The following ZHX2 variants were observed in gnomAD, a reference collection of about 807,000 sequenced individuals.
ZHX2 encodes zinc fingers and homeoboxes protein 2.
Under a neutral mutation model 21.9 loss-of-function variants are expected in ZHX2, and 6 were observed. That is an observed-to-expected ratio of 0.27 (90% CI 0.15 to 0.54). ZHX2 has a LOEUF of 0.54. Ranked by LOEUF, ZHX2 falls within the 20% of genes least tolerant of loss-of-function variation. The pLI, the probability that ZHX2 is intolerant of heterozygous loss-of-function variation, is 0.95. For missense variants in ZHX2, 908 were observed against 1,090.7 expected, an observed-to-expected ratio of 0.83 and a Z score of 2.36; for synonymous variants, 434 against 437.1, an observed-to-expected ratio of 0.99 and a Z score of 0.09.
intron 1 of ZHX2, among the ~76,000 whole-genome samples, chr8:122,791,999 C>T (rs748805793): frequency 6.6e-6 from 1 of 152,192 alleles, no homozygotes. Flanking sequence ...GTGTCACCCA[C>T]TTTAAGTGTA....
Position 122,937,932 on chromosome 8 carries a change from G to GGTTTT in ZHX2, c.-219-13359_-219-13355dup, listed in dbSNP as rs1491073387. Among the ~76,000 whole-genome samples the GGTTTT allele has an allele frequency of 4.1e-4, 26 of 63,216 alleles. No homozygotes were observed. In the South Asian group the frequency reaches 8.2e-3, roughly 20 times the overall value. 41.5% of individuals were successfully genotyped at this position (63,216 alleles called of 152,430 possible). ...TATTATGTTTCCTGGTTTTCTTTTT[G>GGTTTT]GTTTTTTTTTTTTTTTTTTTTTGAG... On this transcript the variant is annotated intron_variant, in intron 2 of 3. Transcript: ENST00000314393.
intron 1 of ZHX2, among the ~76,000 whole-genome samples, chr8:122,851,729 G>A (rs1368539515): frequency 2.0e-5 from 3 of 152,210 alleles, no homozygotes; most frequent in African/African-American, 7.2e-5. Context: ...GGTCAGTACT[G>A]TAATATCCTT....
chr8:122,800,906 G>A (rs1817707056), intron 1 of ZHX2, among the ~76,000 whole-genome samples: 1 of 152,222 alleles, frequency 6.6e-6, no homozygotes, highest in South Asian at 2.1e-4. Context: ...GTAGACAGGT[G>A]CGCGTGCACA....
intron 1 of ZHX2, among the ~76,000 whole-genome samples, chr8:122,856,291 A>G (rs1302553358): frequency 2.0e-5 from 3 of 152,198 alleles, no homozygotes; most frequent in Admixed American, 1.3e-4. Context: ...TGGAGTTTCC[A>G]TACCAAGGAG....
intron 2 of ZHX2, among the ~76,000 whole-genome samples, chr8:122,883,099 C>T (rs1379482249): frequency 6.6e-6 from 1 of 152,176 alleles, no homozygotes; most frequent in African/African-American, 2.4e-5. Context: ...TCCAAACCCC[C>T]CAAGATCTCG....
At chr8:122,945,448 A>AT (rs1484272845) in intron 2 of ZHX2, among the ~76,000 whole-genome samples, 13 of 150,004 alleles carry the variant, frequency 8.7e-5, no homozygotes, top group Non-Finnish European at 1.9e-4. Flanking sequence ...AAAAAAAAAA[A>AT]AAAAAAAAAA....
chr8:122,965,298 T>TC, intron 3 of ZHX2, among the ~76,000 whole-genome samples: 1 of 152,268 alleles, frequency 6.6e-6, no homozygotes, highest in Non-Finnish European at 1.5e-5. Flanking sequence ...CTATGAACTT[T>TC]CCTCTTGGCA....
At chr8:122,886,260 A>G (rs1408176378) in intron 2 of ZHX2, among the ~76,000 whole-genome samples, 1 of 152,252 alleles carries the variant, frequency 6.6e-6, no homozygotes, top group Non-Finnish European at 1.5e-5. Context: ...TTCTAACTAT[A>G]TAACATTCTG....
chr8:122,966,352 T>C (rs1384812567), intron 3 of ZHX2, among the ~76,000 whole-genome samples: 1 of 152,232 alleles, frequency 6.6e-6, no homozygotes, highest in Non-Finnish European at 1.5e-5. Context: ...GCTTTGGTAG[T>C]GGTGAATTCT....
At chr8:122,787,533 C>T (rs1817421223) in intron 1 of ZHX2, among the ~76,000 whole-genome samples, 1 of 152,200 alleles carries the variant, frequency 6.6e-6, no homozygotes, top group Non-Finnish European at 1.5e-5. Flanking sequence ...GCGGGAAGCC[C>T]ACGCTGAGTT....
At chr8:122,868,105 A>T (rs2129665843) in intron 2 of ZHX2, among the ~76,000 whole-genome samples, 1 of 152,276 alleles carries the variant, frequency 6.6e-6, no homozygotes, top group Non-Finnish European at 1.5e-5. Context: ...TTTCTCTAGT[A>T]CAGACTGAGT....
At chr8:122,915,123 CA>C (rs910629054) in intron 2 of ZHX2, among the ~76,000 whole-genome samples, 1 of 152,116 alleles carries the variant, frequency 6.6e-6, no homozygotes, top group Non-Finnish European at 1.5e-5. Context: ...GAGATCATCC[CA>C]TCCAATCCCT....
At chr8:122,803,889 G>T (rs1268970568) in intron 1 of ZHX2, among the ~76,000 whole-genome samples, 1 of 152,144 alleles carries the variant, frequency 6.6e-6, no homozygotes, top group Non-Finnish European at 1.5e-5. Context: ...AGCCTGCTGG[G>T]CGGCCTGTTT....
intron 2 of ZHX2, among the ~76,000 whole-genome samples, chr8:122,904,508 G>A (rs1006504793): frequency 6.6e-6 from 1 of 152,070 alleles, no homozygotes; most frequent in African/African-American, 2.4e-5. Context: ...GGGAGCCGTA[G>A]CAAGACACTC....
chr8:122,826,564 G>C (rs1445546663), intron 1 of ZHX2, among the ~76,000 whole-genome samples: 1 of 152,158 alleles, frequency 6.6e-6, no homozygotes. Context: ...TGAGGTTGCT[G>C]AAGCGCCGGG....
At chr8:122,857,706 C>G (rs1481080141) in intron 1 of ZHX2, among the ~76,000 whole-genome samples, 1 of 152,208 alleles carries the variant, frequency 6.6e-6, no homozygotes, top group Non-Finnish European at 1.5e-5. Context: ...ATGATTCAGT[C>G]AGGCCTGAGT....
At chr8:122,831,132 C>T (rs1818365608) in intron 1 of ZHX2, among the ~76,000 whole-genome samples, 1 of 152,198 alleles carries the variant, frequency 6.6e-6, no homozygotes, top group Non-Finnish European at 1.5e-5. Flanking sequence ...TTTGCAGCTT[C>T]TGAAGTTGTC....
At position 122,974,122 on chromosome 8, in the gene ZHX2, A is replaced by G. The variant is rs1418418199; in HGVS notation, c.*885A>G. On this transcript the variant is annotated 3_prime_UTR_variant, in exon 4 of 4. Transcript: ENST00000314393. ...AAAACAACAACAATAAGATCTTCCT[A>G]TCTGGAGGGTACAGAGGTGAATGGC... 1 of 152,372 alleles carries G rather than the reference A, an allele frequency of 6.6e-6. No individual in the cohort carries two copies. The highest frequency in any genetic ancestry group is 1.5e-5 in the Non-Finnish European group (1 of 68,018). The allele number at this position is 152,372 out of a possible 1,614,324, so 9.4% of individuals were successfully genotyped here.
intron 1 of ZHX2, among the ~76,000 whole-genome samples, chr8:122,806,596 C>A (rs1388299418): frequency 6.6e-6 from 1 of 152,080 alleles, no homozygotes; most frequent in Admixed American, 6.5e-5. Context: ...TTAAGCAAAG[C>A]CAACAACGGA....
Sources: allele counts gnomAD v4.1 joint callset (sites outside exome capture counted in the v4.1 genomes callset), GRCh38; gene constraint gnomAD v4.1.1; transcripts MANE v1.5; gene names NCBI Gene and HGNC (gene_info 2026-07-23, HGNC 2026-07-21).